Variants in MBOAT2 observed in about 807,000 individuals in gnomAD.
The protein encoded by MBOAT2 is membrane-bound glycerophospholipid O-acyltransferase 2.
In MBOAT2, 28 loss-of-function variants were observed where a neutral mutation model predicts 63.4. The ratio of observed to expected loss-of-function variants is 0.44; its 90% CI spans 0.33 to 0.61. The LOEUF (loss-of-function observed/expected upper bound fraction) is 0.61. MBOAT2 is among the 20% of genes least tolerant of loss of function. The pLI is 0.03. For synonymous variants in MBOAT2, 211 were observed against 215.6 expected, an observed-to-expected ratio of 0.98 and a Z score of 0.19; for missense variants, 470 against 605.8, an observed-to-expected ratio of 0.78 and a Z score of 2.35.
chr2:8,911,749 T>C (rs1023474831), intron 3 of MBOAT2, among the ~76,000 whole-genome samples: 6 of 152,176 alleles, frequency 3.9e-5, no homozygotes, highest in African/African-American at 7.2e-5. Flanking sequence ...TTCTGCCACA[T>C]GTAGAAGCAG....
rs905606304 is a variant in MBOAT2 at position 8,855,949 on chromosome 2, C to T, written c.*2730G>A. ...GCAAGCACATAATACAACGAATCCC[C>T]TTTCTATTTAACAGGAGTAGACGTA... is the stretch of plus-strand genomic sequence containing the variant. On this transcript the variant is annotated 3_prime_UTR_variant, in exon 13 of 13. Transcript: ENST00000305997. 2.0e-5 allele frequency: 3 copies of T among 151,958 alleles called. No homozygotes were observed. The highest frequency in any genetic ancestry group is 4.4e-5 in the Non-Finnish European group (3 of 68,018). 9.4% of individuals were successfully genotyped at this position (151,958 alleles called of 1,614,324 possible).
chr2:8,921,554 ATGGACTTCCTT>A (rs2148609621), intron 3 of MBOAT2, among the ~76,000 whole-genome samples: 1 of 152,218 alleles, frequency 6.6e-6, no homozygotes, highest in African/African-American at 2.4e-5. Flanking sequence ...ATTCCTTCCT[ATGGACTTCCTT>A]TCGACCTTAA....
intron 4 of MBOAT2, among the ~76,000 whole-genome samples, chr2:8,904,369 T>G (rs1665184285): frequency 6.6e-6 from 1 of 151,968 alleles, no homozygotes; most frequent in African/African-American, 2.4e-5. Context: ...TGGAGTACAG[T>G]TGTGCGAACA....
intron 4 of MBOAT2, among the ~76,000 whole-genome samples, chr2:8,900,636 G>T (rs899467401): frequency 6.6e-6 from 1 of 152,118 alleles, no homozygotes; most frequent in Admixed American, 6.5e-5. Context: ...ATTAGAGGAG[G>T]ATTATCATTA....
intron 5 of MBOAT2, among the ~76,000 whole-genome samples, chr2:8,884,817 C>G (rs189221732): frequency 1.3e-5 from 2 of 152,216 alleles, no homozygotes; most frequent in Admixed American, 6.5e-5. Context: ...AAAGTCTACA[C>G]GCACAACAAA....
chr2:8,977,612 T>C (rs1160175412), intron 1 of MBOAT2, among the ~76,000 whole-genome samples: 1 of 152,172 alleles, frequency 6.6e-6, no homozygotes, highest in African/African-American at 2.4e-5. Flanking sequence ...TCCAGTCCTA[T>C]ATGGCTCTGA....
At chr2:8,896,717 C>T (rs989324665) in intron 4 of MBOAT2, among the ~76,000 whole-genome samples, 9 of 152,308 alleles carry the variant, frequency 5.9e-5, no homozygotes, top group African/African-American at 2.2e-4. Context: ...GCAAACAGCT[C>T]ACACGTTTGA....
chr2:8,956,531 C>T (rs1195085229), intron 2 of MBOAT2, among the ~76,000 whole-genome samples: 1 of 152,016 alleles, frequency 6.6e-6, no homozygotes, highest in Non-Finnish European at 1.5e-5. Flanking sequence ...CAAAACTCCA[C>T]CTCTACAAAA....
chr2:8,915,546 G>C (rs1340291720), intron 3 of MBOAT2, among the ~76,000 whole-genome samples: 1 of 151,998 alleles, frequency 6.6e-6, no homozygotes, highest in Non-Finnish European at 1.5e-5. Context: ...GTTTTGTTTT[G>C]TTTTGTTTAC....
intron 3 of MBOAT2, among the ~76,000 whole-genome samples, chr2:8,915,503 T>G (rs1666108598): frequency 6.6e-6 from 1 of 152,136 alleles, no homozygotes; most frequent in Admixed American, 6.5e-5. Flanking sequence ...CAATCTAACT[T>G]GAGAAAGAAT....
At position 8,952,905 on chromosome 2, in the gene MBOAT2, G is replaced by A. The variant is rs76544769; in HGVS notation, c.221+5592C>T. 7.3e-3 allele frequency among the ~76,000 whole-genome samples: 1,114 copies of A among 152,192 alleles called. 12 individuals carry two copies. The highest frequency in any genetic ancestry group is 0.02 in the South Asian group (98 of 4,818). On this transcript the variant is annotated intron_variant, in intron 2 of 12. Coordinates refer to ENST00000305997, the MANE Select transcript of MBOAT2 (RefSeq NM_138799.4). ...GGGCTCTTGAAAACCGCAGAAGAAT[G>A]GGTCTTTTGTTTTTATTCCACTTGC...
intron 3 of MBOAT2, among the ~76,000 whole-genome samples, chr2:8,914,363 T>C (rs1025861992): frequency 6.6e-6 from 1 of 152,172 alleles, no homozygotes; most frequent in Non-Finnish European, 1.5e-5. Flanking sequence ...ATATTGGAAC[T>C]ACATTCATTT....
At chr2:8,898,115 C>T (rs1469233785) in intron 4 of MBOAT2, among the ~76,000 whole-genome samples, 1 of 152,220 alleles carries the variant, frequency 6.6e-6, no homozygotes, top group Non-Finnish European at 1.5e-5. Context: ...TCCCACGAGT[C>T]TGAGTAAGGA....
At chr2:8,908,463 A>G (rs1665489604) in intron 4 of MBOAT2, 158 bp downstream of exon 4, 1 of 573,124 alleles carries the variant, frequency 1.7e-6, no homozygotes, top group Admixed American at 3.4e-5. Context: ...TAAAAAGACT[A>G]CTTACAAGAG....
chr2:8,947,907 T>C (rs1369779517), intron 2 of MBOAT2, among the ~76,000 whole-genome samples: 2 of 152,178 alleles, frequency 1.3e-5, no homozygotes, highest in Non-Finnish European at 2.9e-5. Flanking sequence ...GTCTTGTTAT[T>C]TAAGAAATAC....
At chr2:8,993,610 G>A (rs1248932609) in intron 1 of MBOAT2, among the ~76,000 whole-genome samples, 1 of 152,142 alleles carries the variant, frequency 6.6e-6, no homozygotes, top group Non-Finnish European at 1.5e-5. Flanking sequence ...GGAACACCCA[G>A]CATGACCCCA....
chr2:8,967,933 G>A (rs559593374), intron 1 of MBOAT2, among the ~76,000 whole-genome samples: 2 of 152,278 alleles, frequency 1.3e-5, no homozygotes, highest in African/African-American at 4.8e-5. Context: ...GCAGTTCCAA[G>A]ATGGCCGAAT....
chr2:8,945,496 A>G (rs947891292), intron 2 of MBOAT2, among the ~76,000 whole-genome samples: 1 of 152,218 alleles, frequency 6.6e-6, no homozygotes, highest in African/African-American at 2.4e-5. Context: ...TAAAGTAAAA[A>G]TTAAAGATAG....
rs541603422 is a variant in MBOAT2 at position 8,901,500 on chromosome 2, T to C, written c.395+7121A>G. ...CCTGTTAGTATTAGGACTTTACCCA[T>C]GTACTATAAAGATGTTATGCCCCAA... On this transcript the variant is annotated intron_variant, in intron 4 of 12. Transcript: ENST00000305997. 1.6e-4 allele frequency among the ~76,000 whole-genome samples: 25 copies of C among 152,214 alleles called. 1 individual carries two copies. In the East Asian group the frequency reaches 3.3e-3, roughly 20 times the overall value.
Sources: allele counts gnomAD v4.1 joint callset (sites outside exome capture counted in the v4.1 genomes callset), GRCh38; gene constraint gnomAD v4.1.1; transcripts MANE v1.5; gene names NCBI Gene and HGNC (gene_info 2026-07-23, HGNC 2026-07-21).